TRIOBP: variants seen among roughly 807,000 people sequenced by gnomAD.
The protein encoded by TRIOBP is TRIO and F-actin-binding protein.
A neutral mutation model predicts 238.8 loss-of-function variants in TRIOBP; 169 were observed. The observed-to-expected ratio is 0.71, with a 90% CI of 0.62 to 0.80. The LOEUF is 0.80. Ranked by LOEUF, TRIOBP falls within the 30% of genes least tolerant of loss-of-function variation. TRIOBP has a pLI of 0.00. For missense variants in TRIOBP, 2,838 were observed against 3,122.6 expected, an observed-to-expected ratio of 0.91 and a Z score of 2.17; for synonymous variants, 1,150 against 1,274.4, an observed-to-expected ratio of 0.90 and a Z score of 2.08.
intron 5 of TRIOBP, among the ~76,000 whole-genome samples, chr22:37,714,930 C>G (rs1239548296): frequency 1.3e-5 from 2 of 152,192 alleles, no homozygotes; most frequent in Admixed American, 1.3e-4. Flanking sequence ...GGAGCGGAGT[C>G]TACACCACAG....
In TRIOBP at chr22:37,768,567, T is replaced by TC. The variant is rs370919920; in HGVS notation, c.6575+394dup. Among the ~76,000 whole-genome samples, 772 of 152,250 alleles carry TC rather than the reference T, an allele frequency of 5.1e-3. 8 individuals carry two copies. The highest frequency in any genetic ancestry group is 0.017 in the African/African-American group (721 of 41,540). On this transcript the variant is annotated intron_variant, in intron 19 of 23. Transcript: ENST00000644935. ...CGGGCACATTGGCTCATGCCTGTAA[T>TC]CCCAGCACTTTGGGAGGCTGGGATC... is the stretch of plus-strand genomic sequence containing the variant.
chr22:37,723,025 T>C (rs1300581297), intron 6 of TRIOBP, among the ~76,000 whole-genome samples, 160 bp from the exon 7 acceptor site: 1 of 152,176 alleles, frequency 6.6e-6, no homozygotes, highest in Non-Finnish European at 1.5e-5. Flanking sequence ...CTAATCAGCC[T>C]TGGTCAGAGA....
intron 15 of TRIOBP, among the ~76,000 whole-genome samples, chr22:37,756,079 A>C (rs1364621112): frequency 6.6e-6 from 1 of 152,178 alleles, no homozygotes; most frequent in African/African-American, 2.4e-5. Context: ...TGAGTTACCG[A>C]GTGGCAGAGC....
Position 37,724,423 on chromosome 22 carries a change from A to G in TRIOBP, c.1867A>G (p.Asn623Asp), listed in dbSNP as rs776644627. ...CTCTCCCAATAGAGCCACACGAGAT[A>G]ACCCCAGAACATCCTGTGCCCAGCG... ...TSSPNRATRD[N>D]PRTSCAQRDN... Residue 623 changes from asparagine (N) to aspartate (D), a missense_variant, in exon 7 of 24, where the codon AAC becomes GAC. This residue lies in a region of TRIOBP where 167 missense variants were observed against 200.2 expected (regional missense o/e 0.83). Coordinates refer to ENST00000644935, the MANE Select transcript of TRIOBP (RefSeq NM_001039141.3). 5.7e-5 allele frequency: 86 copies of G among 1,513,230 alleles called. No homozygotes were observed. Among genetic ancestry groups the G allele is most frequent in the Non-Finnish European group, 7.5e-5 (84 of 1,121,286 alleles). The allele number at this position is 1,513,230 out of a possible 1,614,324, so 93.7% of individuals were successfully genotyped here.
rs727503529 is a variant in TRIOBP at position 37,771,749 on chromosome 22, G to T, written c.6936+13G>T. Reference sequence around the variant, plus strand: ...GATGATGCAGAAGGTAGGTCCTTCCGCTGGGCTGGGGGCCGTCGGGGACTC... The same window carrying T: ...GATGATGCAGAAGGTAGGTCCTTCCTCTGGGCTGGGGGCCGTCGGGGACTC... On this transcript the variant is annotated intron_variant, in intron 22 of 23. Coordinates refer to ENST00000644935, the MANE Select transcript of TRIOBP (RefSeq NM_001039141.3). The T allele has an allele frequency of 1.0e-4, 163 of 1,613,738 alleles. 3 individuals are homozygous for T. The Admixed American group carries it at 2.6e-3, about 26-fold the overall frequency.
chr22:37,732,173 T>G (rs964001849), intron 7 of TRIOBP, among the ~76,000 whole-genome samples: 3 of 152,162 alleles, frequency 2.0e-5, no homozygotes, highest in African/African-American at 7.2e-5. Flanking sequence ...AAGGGAGAGA[T>G]ATGCCCAGGT....
At chr22:37,737,269 G>A (rs2145844687) in intron 9 of TRIOBP, among the ~76,000 whole-genome samples, 1 of 152,250 alleles carries the variant, frequency 6.6e-6, no homozygotes, top group Admixed American at 6.5e-5. Flanking sequence ...GGCTGGGAAG[G>A]GATGGGAGCA....
At chr22:37,769,487 G>T in intron 21 of TRIOBP, 112 bp downstream of exon 21, 1 of 1,081,076 alleles carries the variant, frequency 9.3e-7, no homozygotes, top group South Asian at 1.3e-5. Context: ...AAGTCTCCCA[G>T]TGGCTGGGCC....
chr22:37,732,397 G>T (rs1924468211), intron 7 of TRIOBP, among the ~76,000 whole-genome samples: 1 of 150,862 alleles, frequency 6.6e-6, no homozygotes, highest in African/African-American at 2.4e-5. Context: ...TGTAATCCCA[G>T]CTACTTGGGA....
At chr22:37,762,402 T>G (rs1361349231) in intron 17 of TRIOBP, among the ~76,000 whole-genome samples, 3 of 152,170 alleles carry the variant, frequency 2.0e-5, no homozygotes, top group Admixed American at 6.5e-5. Flanking sequence ...AGCTTTAGAT[T>G]TCCTTTAGAT....
Position 37,735,032 on chromosome 22 carries a change from C to T in TRIOBP, c.4696C>T (p.Leu1566Phe). The change falls in exon 9 of 24, where the codon CTC becomes TTC. Residue 1566 changes from leucine (L) to phenylalanine (F), a missense_variant. Transcript: ENST00000644935. ...TGACTGGAGGGATCTGCTTGGCCTTCTCCGGGCACCAGGAGAGGGGGTCTG... is the reference window on the plus strand; with the variant it reads ...TGACTGGAGGGATCTGCTTGGCCTTTTCCGGGCACCAGGAGAGGGGGTCTG... ...ELDWRDLLGL[L>F]RAPGEGVWAR... The T allele has an allele frequency of 1.2e-6, 2 of 1,608,978 alleles. No homozygotes were observed. Among genetic ancestry groups the T allele is most frequent in the Non-Finnish European group, 1.7e-6 (2 of 1,176,520 alleles).
chr22:37,726,562 G>A (rs1924179194), intron 7 of TRIOBP, 59 bp downstream of exon 7: 3 of 1,411,560 alleles, frequency 2.1e-6, no homozygotes, highest in South Asian at 3.0e-5. Flanking sequence ...CAGCAGGACA[G>A]GTGAAGGGTT....
Position 37,759,218 on chromosome 22 carries a change from T to C in TRIOBP, c.6278T>C (p.Leu2093Pro). 6.2e-7 allele frequency: 1 copy of C among 1,612,932 alleles called. No homozygotes were observed. Among genetic ancestry groups the C allele is most frequent in the East Asian group, 2.2e-5 (1 of 44,852 alleles). Residue 2093 changes from leucine to proline, a missense_variant, in exon 17 of 24, where the codon CTG becomes CCG. Coordinates refer to ENST00000644935, the MANE Select transcript of TRIOBP (RefSeq NM_001039141.3). ...RLQGEAPQSA[L>P]RSQEDGHIPP... ...CAAGGGGAGGCTCCTCAGAGTGCAC[T>C]GAGATCCCAGGAGGATGGCCACATC... is the stretch of plus-strand genomic sequence containing the variant.
chr22:37,769,894 A>T, intron 21 of TRIOBP, among the ~76,000 whole-genome samples: 1 of 151,048 alleles, frequency 6.6e-6, no homozygotes. Flanking sequence ...ACACCCAGCT[A>T]ATTTTTTATA....
In TRIOBP at chr22:37,771,774, C is replaced by G. The variant is rs759360535; in HGVS notation, c.6936+38C>G. 3.2e-6 allele frequency: 5 copies of G among 1,586,120 alleles called. No individual in the cohort carries two copies. The South Asian group carries it at 5.5e-5, about 18-fold the overall frequency. ...GCTGGGCTGGGGGCCGTCGGGGACT[C>G]TGGAGCCATCTGGATGCCATCCTGT... On this transcript the variant is annotated intron_variant, in intron 22 of 23. Coordinates refer to ENST00000644935, the MANE Select transcript of TRIOBP (RefSeq NM_001039141.3).
chr22:37,745,789 G>A (rs1212418137), intron 11 of TRIOBP, among the ~76,000 whole-genome samples: 1 of 152,228 alleles, frequency 6.6e-6, no homozygotes, highest in Non-Finnish European at 1.5e-5. Context: ...TGAGTCGTTA[G>A]TACTGGGTGC....
At chr22:37,738,844 C>A in intron 10 of TRIOBP, 125 bp downstream of exon 10, 1 of 966,396 alleles carries the variant, frequency 1.0e-6, no homozygotes, top group Non-Finnish European at 1.6e-6. Flanking sequence ...GCCATGGGGT[C>A]ATCTATGTGC....
chr22:37,772,866 G>T (rs1482052028), intron 23 of TRIOBP, 102 bp downstream of exon 23: 2 of 1,422,846 alleles, frequency 1.4e-6, no homozygotes, highest in East Asian at 4.6e-5. Context: ...CCTTCTTCTG[G>T]CCTCCAATTC....
At position 37,726,098 on chromosome 22, in the gene TRIOBP, C is replaced by T. The variant is rs1334302486; in HGVS notation, c.3542C>T (p.Ala1181Val). 6.4e-7 allele frequency: 1 copy of T among 1,556,244 alleles called. No individual in the cohort carries two copies. Among genetic ancestry groups the T allele is most frequent in the Admixed American group, 1.8e-5 (1 of 56,172 alleles). ...APSFSSPPRQAPEPSLFFQDP... is the reference protein window; with the variant it reads ...APSFSSPPRQVPEPSLFFQDP... ...TCCTTCTCATCCCCACCACGCCAGG[C>T]TCCTGAGCCATCCCTCTTCTTCCAG... The change falls in exon 7 of 24, where the codon GCT (alanine) becomes GTT (valine). Residue 1181 changes from alanine to valine, a missense_variant. Transcript: ENST00000644935.
Sources: allele counts gnomAD v4.1 joint callset (sites outside exome capture counted in the v4.1 genomes callset), GRCh38; gene constraint gnomAD v4.1.1; regional missense constraint gnomAD v4.1.1; transcripts MANE v1.5; gene names NCBI Gene and HGNC (gene_info 2026-07-23, HGNC 2026-07-21).